Variants in EFHC2 observed in about 807,000 individuals in gnomAD.
EFHC2 encodes EF-hand domain containing 2.
Under a neutral mutation model 52.7 loss-of-function variants are expected in EFHC2, and 18 were observed. That is an observed-to-expected ratio of 0.34 (90% confidence interval 0.24 to 0.51). The LOEUF (loss-of-function observed/expected upper bound fraction) is 0.51, where lower values mean the gene tolerates loss of function less well. Ranked by LOEUF, EFHC2 falls within the 20% of genes least tolerant of loss-of-function variation. The pLI, the probability that EFHC2 is intolerant of heterozygous loss-of-function variation, is 0.97. For missense variants in EFHC2, 513 were observed against 562.5 expected (o/e 0.91, Z 0.89); for synonymous variants, 203 against 204.1 (o/e 0.99, Z 0.04).
At chrX:44,276,942 A>G (rs2037662439) in intron 2 of EFHC2, among the ~76,000 whole-genome samples, 1 of 111,677 alleles carries the variant, frequency 9.0e-6, no homozygotes, top group Non-Finnish European at 1.9e-5. Context: ...CTATCACTTC[A>G]GGAATCAAAC....
At chrX:44,237,447 T>C (rs911090948) in intron 8 of EFHC2, among the ~76,000 whole-genome samples, 2 of 111,951 alleles carry the variant, frequency 1.8e-5, no homozygotes, top group Admixed American at 9.5e-5. Context: ...ATGGTTGTTT[T>C]AAAAATGTGT....
At chrX:44,318,160 G>A (rs1026150224) in intron 1 of EFHC2, among the ~76,000 whole-genome samples, 10 of 112,513 alleles carry the variant, frequency 8.9e-5, no homozygotes, top group Non-Finnish European at 1.7e-4. Flanking sequence ...TTAAACAGTT[G>A]TGGTATATCC....
At chrX:44,328,875 C>T (rs895416393) in intron 1 of EFHC2, among the ~76,000 whole-genome samples, 15 of 111,468 alleles carry the variant, frequency 1.3e-4, no homozygotes, top group African/African-American at 4.9e-4. Context: ...TGGGAAGCCT[C>T]TAGAAGGTAT....
intron 11 of EFHC2, among the ~76,000 whole-genome samples, chrX:44,198,532 T>C (rs1464286277): frequency 9.0e-6 from 1 of 111,244 alleles, no homozygotes; most frequent in African/African-American, 3.3e-5. Flanking sequence ...GGGAGAGAGA[T>C]TGTGCATGGC....
At chrX:44,196,476 T>G (rs1432730296) in intron 11 of EFHC2, among the ~76,000 whole-genome samples, 1 of 112,212 alleles carries the variant, frequency 8.9e-6, no homozygotes, top group East Asian at 2.8e-4. Flanking sequence ...TTAAATCCAT[T>G]TCTGAAACAA....
intron 4 of EFHC2, 42 bp from the exon 5 acceptor site, chrX:44,250,487 A>C (rs755520564): frequency 7.5e-5 from 87 of 1,156,083 alleles, no homozygotes; most frequent in Admixed American, 2.8e-4. Flanking sequence ...CAGGGTTTGC[A>C]TAATCACTTC....
intron 2 of EFHC2, chrX:44,284,242 G>A (rs142657468): frequency 3.0e-4 from 34 of 111,915 alleles, no homozygotes; most frequent in African/African-American, 1.1e-3. Context: ...AGTTCCTTTC[G>A]TCCTTGTGAT....
intron 14 of EFHC2, among the ~76,000 whole-genome samples, chrX:44,149,268 C>T (rs1282898882): frequency 1.8e-5 from 2 of 112,000 alleles, no homozygotes; most frequent in African/African-American, 6.5e-5. Flanking sequence ...TCTGCCATCA[C>T]CATGAAAAGA....
At chrX:44,320,768 A>G (rs1442529376) in intron 1 of EFHC2, among the ~76,000 whole-genome samples, 1 of 110,338 alleles carries the variant, frequency 9.1e-6, no homozygotes, top group East Asian at 2.9e-4. Flanking sequence ...ACGAAACAGT[A>G]GTCTGCAGTC....
intron 13 of EFHC2, among the ~76,000 whole-genome samples, chrX:44,172,346 A>G (rs1341538000): frequency 8.9e-6 from 1 of 112,082 alleles, no homozygotes; most frequent in East Asian, 2.8e-4. Context: ...AATTCCCTCT[A>G]CCTCTTATGG....
intron 1 of EFHC2, among the ~76,000 whole-genome samples, chrX:44,338,505 C>G (rs1326876193): frequency 9.3e-6 from 1 of 107,805 alleles, no homozygotes; most frequent in Non-Finnish European, 1.9e-5. Context: ...GAGCAAGACC[C>G]TATCGCAAAA....
chrX:44,194,855 A>G (rs1274698199), intron 11 of EFHC2, among the ~76,000 whole-genome samples: 1 of 111,033 alleles, frequency 9.0e-6, no homozygotes, highest in Non-Finnish European at 1.9e-5. Context: ...GCAGGGTCCA[A>G]TTTGTACTGA....
intron 2 of EFHC2, among the ~76,000 whole-genome samples, chrX:44,297,404 G>C (rs1303562436): frequency 9.1e-6 from 1 of 109,842 alleles, no homozygotes; most frequent in Admixed American, 9.8e-5. Flanking sequence ...TAGGGGAAAG[G>C]GGAAGGGGAA....
intron 1 of EFHC2, among the ~76,000 whole-genome samples, chrX:44,329,825 T>C (rs1190492717): frequency 1.8e-5 from 2 of 109,295 alleles, no homozygotes; most frequent in Non-Finnish European, 3.8e-5. Context: ...AGGCTGGTCC[T>C]GAACTCCTGG....
chrX:44,278,831 C>T (rs2037680718), intron 2 of EFHC2, among the ~76,000 whole-genome samples: 1 of 112,158 alleles, frequency 8.9e-6, no homozygotes, highest in African/African-American at 3.2e-5. Context: ...ATAGTTTTTC[C>T]TGTTTCTTTG....
At position 44,250,427 on chromosome X, in the gene EFHC2, G is replaced by T. The variant is rs377343096; in HGVS notation, c.625C>A (p.Pro209Thr). The T allele has an allele frequency of 1.7e-6, 2 of 1,195,524 alleles. No homozygotes were observed. The highest frequency in any genetic ancestry group is 3.5e-5 in the African/African-American group (2 of 56,700). ...IRREVVEHVE[P>T]LRPYESLDTL... is the part of the protein sequence containing the mutation. ...TCGAGGGATTCGTAGGGACGTAAGG[G>T]CTCTACGTGTTCTACAACCTGCAAA... is the stretch of plus-strand genomic sequence containing the variant. Residue 209 changes from proline (P) to threonine (T), a missense_variant, in exon 5 of 15, where the codon CCC becomes ACC. Transcript: ENST00000420999.
intron 11 of EFHC2, among the ~76,000 whole-genome samples, chrX:44,227,293 G>A (rs2037240798): frequency 9.0e-6 from 1 of 111,400 alleles, no homozygotes; most frequent in African/African-American, 3.3e-5. Context: ...ATAGACACGG[G>A]CTATGTAGTT....
chrX:44,241,264 G>A (rs1477903797), intron 8 of EFHC2, among the ~76,000 whole-genome samples: 3 of 111,815 alleles, frequency 2.7e-5, no homozygotes. Context: ...TCTCCCTGCA[G>A]AAGCAAAAAG....
intron 11 of EFHC2, among the ~76,000 whole-genome samples, chrX:44,211,503 G>T (rs2037095270): frequency 9.0e-6 from 1 of 110,878 alleles, no homozygotes; most frequent in Non-Finnish European, 1.9e-5. Flanking sequence ...ACTCCAGCCT[G>T]GGCGACAGAG....
Sources: allele counts gnomAD v4.1 joint callset (sites outside exome capture counted in the v4.1 genomes callset), GRCh38; gene constraint gnomAD v4.1.1; transcripts MANE v1.5; gene names NCBI Gene and HGNC (gene_info 2026-07-23, HGNC 2026-07-21).